Variants in ZFYVE1 observed in about 807,000 individuals in gnomAD.
ZFYVE1 encodes the protein zinc finger FYVE-type containing 1.
A neutral mutation model predicts 74.4 loss-of-function variants in ZFYVE1; 30 were observed. That is an observed-to-expected ratio of 0.40 (90% CI 0.30 to 0.55). The LOEUF (loss-of-function observed/expected upper bound fraction) is 0.55. Among genes scored for constraint, ZFYVE1 ranks in the 20% least tolerant of loss-of-function variants. ZFYVE1 has a pLI of 0.42. For missense variants in ZFYVE1, 703 were observed against 1,011.6 expected, an observed-to-expected ratio of 0.69 and a Z score of 4.14; for synonymous variants, 335 against 385.1, an observed-to-expected ratio of 0.87 and a Z score of 1.52.
At chr14:73,002,743 T>TC (rs1893898594) in intron 2 of ZFYVE1, among the ~76,000 whole-genome samples, 1 of 125,316 alleles carries the variant, frequency 8.0e-6, no homozygotes, top group South Asian at 3.4e-4. Flanking sequence ...TGCTTTTTCT[T>TC]TTTTTTTTTT....
intron 8 of ZFYVE1, 136 bp downstream of exon 8, chr14:72,977,791 G>A: frequency 2.2e-6 from 2 of 895,582 alleles, no homozygotes; most frequent in South Asian, 3.7e-5. Flanking sequence ...AAGCTCTCCA[G>A]ATCATGCCTT....
chr14:72,982,151 C>T (rs1209216012), intron 4 of ZFYVE1, among the ~76,000 whole-genome samples: 2 of 152,156 alleles, frequency 1.3e-5, no homozygotes, highest in East Asian at 3.8e-4. Context: ...GTTATAAACA[C>T]CTCACACCAC....
intron 2 of ZFYVE1, among the ~76,000 whole-genome samples, chr14:73,009,633 G>A (rs1894048605): frequency 6.6e-6 from 1 of 152,202 alleles, no homozygotes; most frequent in African/African-American, 2.4e-5. Flanking sequence ...GCACGTGCCT[G>A]TAATCCCAGC....
intron 5 of ZFYVE1, among the ~76,000 whole-genome samples, chr14:72,980,552 T>A (rs7150304): frequency 0.14 from 16,291 of 118,066 alleles, 2,100 homozygotes; most frequent in African/African-American, 0.33. Context: ...TTTATTTATT[T>A]ATTTATTTAT....
intron 4 of ZFYVE1, among the ~76,000 whole-genome samples, chr14:72,992,621 C>CCCCG (rs1471945072): frequency 9.0e-6 from 1 of 111,196 alleles, no homozygotes; most frequent in Non-Finnish European, 2.0e-5. Flanking sequence ...AGGTGCCCCC[C>CCCCG]CCGCCCCTTG....
At chr14:72,989,747 G>A (rs1001366666) in intron 4 of ZFYVE1, among the ~76,000 whole-genome samples, 6 of 151,730 alleles carry the variant, frequency 4.0e-5, no homozygotes, top group Admixed American at 6.6e-5. Flanking sequence ...ACAGTGAGCT[G>A]TGATCACACC....
chr14:72,997,566 T>A (rs75253521), intron 3 of ZFYVE1, among the ~76,000 whole-genome samples: 11 of 152,330 alleles, frequency 7.2e-5, no homozygotes, highest in African/African-American at 2.4e-4. Context: ...GAACAGGTCT[T>A]ATCCAGATCA....
chr14:73,017,494 ATC>A (rs1042380267), intron 2 of ZFYVE1, among the ~76,000 whole-genome samples: 2 of 152,208 alleles, frequency 1.3e-5, no homozygotes, highest in Non-Finnish European at 2.9e-5. Context: ...GGACTAATTT[ATC>A]TCTCTTTTTT....
intron 3 of ZFYVE1, among the ~76,000 whole-genome samples, chr14:72,994,370 G>C (rs1268899546): frequency 7.4e-6 from 1 of 134,678 alleles, no homozygotes; most frequent in Non-Finnish European, 1.6e-5. Context: ...CTGACTCAAT[G>C]TACATGAAGT....
At chr14:73,009,288 T>C (rs1894040949) in intron 2 of ZFYVE1, among the ~76,000 whole-genome samples, 2 of 152,214 alleles carry the variant, frequency 1.3e-5, no homozygotes, top group Non-Finnish European at 2.9e-5. Flanking sequence ...ACAATCTACT[T>C]CATAGGATTT....
intron 2 of ZFYVE1, among the ~76,000 whole-genome samples, chr14:73,011,127 T>C (rs1894082808): frequency 6.6e-6 from 1 of 151,474 alleles, no homozygotes; most frequent in South Asian, 2.1e-4. Context: ...GTCCTCTGAA[T>C]GTTTTTGGAA....
chr14:72,998,814 G>C (rs1317937641), intron 2 of ZFYVE1, among the ~76,000 whole-genome samples: 1 of 150,560 alleles, frequency 6.6e-6, no homozygotes, highest in African/African-American at 2.4e-5. Flanking sequence ...CAGTGCTACT[G>C]CACTCCAGCA....
chr14:72,990,418 T>G (rs1893580252), intron 4 of ZFYVE1, among the ~76,000 whole-genome samples: 1 of 151,368 alleles, frequency 6.6e-6, no homozygotes, highest in Non-Finnish European at 1.5e-5. Flanking sequence ...TTTTTTGAGA[T>G]GGAGTTTCGC....
intron 6 of ZFYVE1, 106 bp from the exon 7 acceptor site, chr14:72,978,340 G>A (rs767789577): frequency 5.5e-5 from 56 of 1,026,024 alleles, no homozygotes; most frequent in Non-Finnish European, 5.7e-5. Flanking sequence ...CTGGGCTCAA[G>A]CAATCTGCCC....
At chr14:73,023,943 C>T (rs1330764038) in intron 2 of ZFYVE1, 83 bp downstream of exon 2, 101 of 1,533,092 alleles carry the variant, frequency 6.6e-5, no homozygotes, top group Non-Finnish European at 8.7e-5. Context: ...GTGATCTCTT[C>T]TTGGACATCG....
chr14:72,985,736 A>G (rs1893460262), intron 4 of ZFYVE1, among the ~76,000 whole-genome samples: 1 of 151,664 alleles, frequency 6.6e-6, no homozygotes, highest in Non-Finnish European at 1.5e-5. Flanking sequence ...ACCAAAGAAT[A>G]GCAATTATTA....
In ZFYVE1 at chr14:72,975,438, C is replaced by A; in HGVS notation, c.1806+113G>T. The A allele has an allele frequency of 2.2e-6, 3 of 1,371,878 alleles. No individual in the cohort carries two copies. Among genetic ancestry groups the A allele is most frequent in the Non-Finnish European group, 3.0e-6 (3 of 1,013,138 alleles). 85.0% of individuals were successfully genotyped at this position (1,371,878 alleles called of 1,614,324 possible). The stretch of plus-strand genomic sequence containing the variant: ...TTGCCGGTACTCACAGAGCTCACTG[C>A]ACTGGCAGAAAATGTTTGCGTCTCC... On this transcript the variant is annotated intron_variant, in intron 9 of 11. Transcript: ENST00000556143. The surrounding 1 kb of genome is among the most constrained non-coding windows in gnomAD (Gnocchi z 4.1).
At chr14:73,023,899 G>T in intron 2 of ZFYVE1, 127 bp downstream of exon 2, 1 of 1,331,632 alleles carries the variant, frequency 7.5e-7, no homozygotes, top group Non-Finnish European at 1.0e-6. Flanking sequence ...TGCAACTAAA[G>T]CCTCCAGAGG....
rs370107575 is a variant in ZFYVE1, at chr14:73,024,514, C to T, written c.-6G>A. The stretch of plus-strand genomic sequence containing the variant: ...GGGGAAGTCTGGGCACTCATACTCA[C>T]GCTGGTAAGGAAACACACCCACCAT... On this transcript the variant is annotated 5_prime_UTR_variant, in exon 2 of 12. The change creates a new upstream start codon in the 5' untranslated region. Transcript: ENST00000556143. 1.6e-4 allele frequency: 247 copies of T among 1,587,062 alleles called. No homozygotes were observed. Among genetic ancestry groups the T allele is most frequent in the African/African-American group, 3.2e-4 (24 of 74,192 alleles).
Sources: gnomAD v4.1 joint callset for allele counts (sites outside exome capture counted in the v4.1 genomes callset) on GRCh38, gnomAD v4.1.1 for gene constraint, Gnocchi (gnomAD v3.1) non-coding constraint, MANE v1.5 for transcripts, NCBI Gene and HGNC (gene_info 2026-07-23, HGNC 2026-07-21) for gene names.